Variants in DGKZ observed in about 807,000 individuals in gnomAD.
DGKZ encodes the protein diacylglycerol kinase zeta.
In DGKZ, 45 loss-of-function variants were observed where a neutral mutation model predicts 142.5. That is an observed-to-expected ratio of 0.32 (90% CI 0.25 to 0.40). The LOEUF (loss-of-function observed/expected upper bound fraction) is 0.40, where lower values mean the gene tolerates loss of function less well. Ranked by LOEUF, DGKZ falls within the 10% of genes least tolerant of loss-of-function variation. The pLI is 1.00. For missense variants in DGKZ, 755 were observed against 1,306.5 expected (o/e 0.58, Z 6.51); for synonymous variants, 442 against 527.0 (o/e 0.84, Z 2.21).
In DGKZ at chr11:46,379,036, G is replaced by T; in HGVS notation, c.2464G>T (p.Glu822Ter). The change falls in exon 28 of 31, where the codon GAG becomes TAG. Residue 822 changes from glutamate (E) to a stop codon, truncating the protein, a stop_gained. Coordinates refer to ENST00000527911, the Ensembl canonical transcript of DGKZ. LOFTEE classifies it high-confidence loss of function. ...TGGGGGCGACCTCATGCACCGAGAC[G>T]AGCAGAGTCGCACGCTCCTGCACCA... The T allele has an allele frequency of 1.9e-6, 3 of 1,593,344 alleles. No homozygotes were observed. Among genetic ancestry groups the T allele is most frequent in the Non-Finnish European group, 2.5e-6 (3 of 1,176,804 alleles).
In DGKZ at chr11:46,367,330, C is replaced by A; in HGVS notation, c.201C>A (p.Pro67=). ...AGTCGGGCCTCCAGCACCTGGCCCC[C>A]CCTCCGCCCACCCCTGGGGCCCCGT... Residue 67 remains proline (P), a synonymous_variant, in exon 2 of 31, where the codon CCC becomes CCA. Coordinates refer to ENST00000527911, the Ensembl canonical transcript of DGKZ. The surrounding 1 kb of genome is among the most constrained non-coding windows in gnomAD (Gnocchi z 4.1). The A allele has an allele frequency of 6.2e-7, 1 of 1,612,914 alleles. No homozygotes were observed. The highest frequency in any genetic ancestry group is 8.5e-7 in the Non-Finnish European group (1 of 1,179,980).
intron 1 of DGKZ, among the ~76,000 whole-genome samples, chr11:46,341,651 C>T (rs1004511110): frequency 4.6e-5 from 7 of 152,128 alleles, no homozygotes; most frequent in Non-Finnish European, 1.0e-4. Flanking sequence ...AACCAATGGA[C>T]TCCATGTCTG....
chr11:46,337,384 C>T (rs188251425), intron 1 of DGKZ, among the ~76,000 whole-genome samples: 43 of 150,578 alleles, frequency 2.9e-4, no homozygotes, highest in Admixed American at 1.7e-3. Flanking sequence ...CAACTGCCAC[C>T]TCCCGGGTTC....
chr11:46,351,124 TCTC>T (rs1243123565), intron 1 of DGKZ, among the ~76,000 whole-genome samples: 1 of 151,910 alleles, frequency 6.6e-6, no homozygotes, highest in East Asian at 1.9e-4. Context: ...GTGGACTCTC[TCTC>T]CTCCTCCAGG....
At chr11:46,373,884 C>T (rs982831052) in intron 14 of DGKZ, among the ~76,000 whole-genome samples, 16 of 152,222 alleles carry the variant, frequency 1.1e-4, no homozygotes, top group African/African-American at 3.1e-4. Context: ...AACCAAGCCT[C>T]GCTGTTGTGC....
Position 46,378,183 on chromosome 11 carries a change from C to T in DGKZ, c.2343-15C>T, listed in dbSNP as rs1381601681. The T allele has an allele frequency of 1.2e-6, 2 of 1,608,518 alleles. No individual in the cohort carries two copies. The highest frequency in any genetic ancestry group is 3.4e-5 in the Admixed American group (2 of 59,490). On this transcript the variant is annotated splice_polypyrimidine_tract_variant and intron_variant, in intron 25 of 30. Transcript: ENST00000527911. ...TGTGCCGTAGCCGGTCACAGCACAT[C>T]ATGCTCTGTTGCAGGTCACTGCAAG...
chr11:46,374,565 T>C (rs1272463554), intron 16 of DGKZ, 39 bp from the exon 17 acceptor site: 2 of 1,601,306 alleles, frequency 1.2e-6, no homozygotes, highest in Non-Finnish European at 8.5e-7. Flanking sequence ...TGAGGAAAGA[T>C]CTCTGTCAGC....
intron 1 of DGKZ, among the ~76,000 whole-genome samples, chr11:46,337,148 C>T (rs1940054514): frequency 6.6e-6 from 1 of 152,022 alleles, no homozygotes; most frequent in Admixed American, 6.6e-5. Context: ...CAGGCTCCAG[C>T]TAGGTAAAGC....
chr11:46,355,946 A>G (rs910608226), intron 1 of DGKZ, among the ~76,000 whole-genome samples: 1 of 152,088 alleles, frequency 6.6e-6, no homozygotes, highest in Middle Eastern at 3.4e-3. Context: ...GAGTTTCTCC[A>G]TGTTGGTCAA....
chr11:46,333,512 AG>A (rs1939868331), intron 1 of DGKZ: 1 of 1,537,152 alleles, frequency 6.5e-7, no homozygotes, highest in African/African-American at 1.4e-5. Context: ...GGCAGAGGGG[AG>A]CGCGGCGCTT....
At chr11:46,373,209 C>A in intron 14 of DGKZ, 108 bp downstream of exon 14, 1 of 1,227,824 alleles carries the variant, frequency 8.1e-7, no homozygotes, top group Non-Finnish European at 1.1e-6. Flanking sequence ...ATTTCTCCAA[C>A]TTCCACTTCT....
At chr11:46,359,578 C>T (rs574841952) in intron 1 of DGKZ, among the ~76,000 whole-genome samples, 12 of 151,872 alleles carry the variant, frequency 7.9e-5, no homozygotes, top group South Asian at 4.2e-4. Flanking sequence ...AGTTCATTGA[C>T]GTGGTTTTAT....
chr11:46,348,838 A>G (rs75626899), intron 1 of DGKZ, among the ~76,000 whole-genome samples: 2,713 of 152,288 alleles, frequency 0.018, 97 homozygotes, highest in South Asian at 0.15. Flanking sequence ...CTGGTGGCCA[A>G]GGAGCTTGTA....
intron 1 of DGKZ, among the ~76,000 whole-genome samples, chr11:46,358,382 C>A (rs1942276564): frequency 6.6e-6 from 1 of 152,112 alleles, no homozygotes; most frequent in South Asian, 2.1e-4. Context: ...AAGCTCTTAA[C>A]TCGATGCAGT....
intron 24 of DGKZ, 143 bp downstream of exon 24, chr11:46,376,707 A>G: frequency 8.7e-7 from 1 of 1,150,742 alleles, no homozygotes. Context: ...GCCTGTGTGC[A>G]TGGACAGCGT....
At chr11:46,376,649 C>T in intron 24 of DGKZ, 85 bp downstream of exon 24, 9 of 1,546,428 alleles carry the variant, frequency 5.8e-6, no homozygotes, top group Non-Finnish European at 8.9e-7. Context: ...TGTTAGCTCC[C>T]CCGATGGGCT....
chr11:46,374,705 A>C (rs1944346131), intron 17 of DGKZ, 39 bp downstream of exon 17: 3 of 1,139,356 alleles, frequency 2.6e-6, no homozygotes, highest in African/African-American at 3.2e-5. Context: ...GTGGGCCGGA[A>C]GGGAGGGAGG....
At chr11:46,374,879 T>A in intron 18 of DGKZ, 40 bp downstream of exon 18, 1 of 1,583,294 alleles carries the variant, frequency 6.3e-7, no homozygotes, top group Non-Finnish European at 8.6e-7. Flanking sequence ...AGCCCTGCTG[T>A]CCTTGTCCTG....
chr11:46,336,333 G>C (rs1033224261), intron 1 of DGKZ, among the ~76,000 whole-genome samples: 19 of 152,204 alleles, frequency 1.2e-4, no homozygotes, highest in Admixed American at 1.2e-3. Context: ...GGCAGGGGAG[G>C]GGGGAAGGGC....
Sources: gnomAD v4.1 joint callset for allele counts (sites outside exome capture counted in the v4.1 genomes callset) on GRCh38, gnomAD v4.1.1 for gene constraint, Gnocchi (gnomAD v3.1) non-coding constraint, MANE v1.5 for transcripts, NCBI Gene and HGNC (gene_info 2026-07-23, HGNC 2026-07-21) for gene names.